Variants in DNAH12 observed in about 807,000 individuals in gnomAD.
The protein encoded by DNAH12 is dynein axonemal heavy chain 12.
A neutral mutation model predicts 371.5 loss-of-function variants in DNAH12; 285 were observed. That is an observed-to-expected ratio of 0.77 (90% CI 0.70 to 0.85). The LOEUF (loss-of-function observed/expected upper bound fraction) is 0.85, where lower values mean the gene tolerates loss of function less well. Among genes scored for constraint, DNAH12 ranks in the 40% least tolerant of loss-of-function variants. The probability of loss-of-function intolerance (pLI) is 0.00; values close to 1 mark genes in which losing one functional copy is unlikely to be tolerated. For synonymous variants in DNAH12, 1,200 were observed against 1,213.0 expected (o/e 0.99, Z 0.22); for missense variants, 3,611 against 3,689.4 (o/e 0.98, Z 0.55).
rs1356603368 is a variant in DNAH12 at position 57,379,243 on chromosome 3, G to A, written c.8138C>T (p.Pro2713Leu). The change falls in exon 52 of 74, where the codon CCC (proline) becomes CTC (leucine). Residue 2713 changes from proline to leucine, a missense_variant. Transcript: ENST00000495027. ...AGAAGAAGCTTTAGCAACCTTAGGG[G>A]GATCAAATTCAGGGTTCATTAAGTA... is the stretch of plus-strand genomic sequence containing the variant. Reference protein sequence around the residue: ...SEYLMNPEFDPPKVAKASSAA... With the variant: ...SEYLMNPEFDLPKVAKASSAA... 1 of 151,976 alleles carries A rather than the reference G, an allele frequency of 6.6e-6. No homozygotes were observed. Among genetic ancestry groups the A allele is most frequent in the African/African-American group, 2.4e-5 (1 of 41,376 alleles). The allele number at this position is 151,976 out of a possible 1,614,324, so 9.4% of individuals were successfully genotyped here.
intron 29 of DNAH12, among the ~76,000 whole-genome samples, chr3:57,442,261 T>TAG (rs1355428675): frequency 6.9e-6 from 1 of 145,040 alleles, no homozygotes; most frequent in Admixed American, 7.2e-5. Flanking sequence ...ATAAAAGCAC[T>TAG]AGAAAGGGTA....
At chr3:57,384,119 A>T in intron 49 of DNAH12, among the ~76,000 whole-genome samples, 1 of 152,150 alleles carries the variant, frequency 6.6e-6, no homozygotes. Context: ...TTGCCTAAAG[A>T]CCTGTAAAAA....
At chr3:57,444,583 T>C (rs2065416027) in intron 29 of DNAH12, 114 bp downstream of exon 29, 3 of 1,437,302 alleles carry the variant, frequency 2.1e-6, no homozygotes, top group African/African-American at 1.4e-5. Context: ...GTGGACAAAA[T>C]AGGGGATTTT....
chr3:57,407,919 C>T (rs1553681808), intron 40 of DNAH12, among the ~76,000 whole-genome samples: 1 of 152,048 alleles, frequency 6.6e-6, no homozygotes, highest in African/African-American at 2.4e-5. Flanking sequence ...AGAGAAAAAA[C>T]GACAAGTACC....
chr3:57,308,741 G>A (rs2061523190), intron 69 of DNAH12, among the ~76,000 whole-genome samples: 1 of 152,106 alleles, frequency 6.6e-6, no homozygotes, highest in Non-Finnish European at 1.5e-5. Flanking sequence ...ATCTTTGCTG[G>A]CAAGGCTACG....
chr3:57,440,079 GA>G (rs1229542839), intron 29 of DNAH12, among the ~76,000 whole-genome samples: 2 of 152,168 alleles, frequency 1.3e-5, no homozygotes, highest in Non-Finnish European at 2.9e-5. Flanking sequence ...CTGTTGGTAG[GA>G]ATGCAAATTA....
intron 11 of DNAH12, among the ~76,000 whole-genome samples, chr3:57,500,717 G>A (rs1009738492): frequency 2.0e-5 from 3 of 152,006 alleles, no homozygotes; most frequent in Middle Eastern, 3.4e-3. Flanking sequence ...TGTTATTTCC[G>A]TGTCAGGCTT....
chr3:57,479,873 G>A (rs993661761), intron 13 of DNAH12, among the ~76,000 whole-genome samples: 4 of 152,044 alleles, frequency 2.6e-5, no homozygotes, highest in African/African-American at 7.2e-5. Context: ...TGAAACCAAC[G>A]AGAACAAAGA....
At chr3:57,542,663 A>G in intron 2 of DNAH12, 38 bp downstream of exon 2, 1 of 1,540,032 alleles carries the variant, frequency 6.5e-7, no homozygotes, top group Non-Finnish European at 8.7e-7. Context: ...ATTTTACTTG[A>G]ATTCCAAGCA....
At chr3:57,419,278 G>C in intron 37 of DNAH12, 89 bp downstream of exon 37, 1 of 1,268,726 alleles carries the variant, frequency 7.9e-7, no homozygotes, top group Non-Finnish European at 1.1e-6. Flanking sequence ...CCTGAAAAGG[G>C]ATGATCTCGA....
At chr3:57,482,122 G>C (rs375880140) in intron 13 of DNAH12, among the ~76,000 whole-genome samples, 17 of 152,268 alleles carry the variant, frequency 1.1e-4, no homozygotes, top group East Asian at 7.7e-4. Flanking sequence ...ACTACCATCA[G>C]AGTGAACAGG....
At chr3:57,299,284 T>C (rs1408441257) in intron 70 of DNAH12, among the ~76,000 whole-genome samples, 2 of 152,244 alleles carry the variant, frequency 1.3e-5, no homozygotes, top group Non-Finnish European at 2.9e-5. Flanking sequence ...TACCATTTAC[T>C]AAGTGCTTAG....
At position 57,446,289 on chromosome 3, in the gene DNAH12, G is replaced by C. The variant is rs1033731056; in HGVS notation, c.3940-19C>G. 15 of 1,540,016 alleles carry C rather than the reference G, an allele frequency of 9.7e-6. No individual in the cohort carries two copies. Among genetic ancestry groups the C allele is most frequent in the Non-Finnish European group, 1.2e-5 (14 of 1,140,942 alleles). On this transcript the variant is annotated intron_variant, in intron 26 of 73. Coordinates refer to ENST00000495027, the MANE Select transcript of DNAH12 (RefSeq NM_001366028.2). ...TAAAAAACTAAGGACAAAGAAAAAG[G>C]AAAGTGATTTTTTTCTCAGGAAAGG...
chr3:57,410,906 C>T (rs1009042919), intron 39 of DNAH12, among the ~76,000 whole-genome samples: 17 of 151,732 alleles, frequency 1.1e-4, no homozygotes, highest in African/African-American at 3.9e-4. Flanking sequence ...AAAAACCCTA[C>T]AGCTAACATC....
At chr3:57,411,890 A>G (rs1368716020) in intron 39 of DNAH12, among the ~76,000 whole-genome samples, 1 of 152,160 alleles carries the variant, frequency 6.6e-6, no homozygotes. Flanking sequence ...GAAAGAGAAA[A>G]ACAAAGTCAG....
intron 30 of DNAH12, among the ~76,000 whole-genome samples, chr3:57,434,358 C>T (rs757895645): frequency 1.3e-5 from 2 of 152,154 alleles, no homozygotes; most frequent in Non-Finnish European, 1.5e-5. Context: ...CTCCCTTTTC[C>T]CTCTAGCATG....
chr3:57,371,537 G>A (rs2063168982), intron 55 of DNAH12, among the ~76,000 whole-genome samples: 1 of 151,684 alleles, frequency 6.6e-6, no homozygotes. Context: ...ATGGGAGGTG[G>A]GGGCACTACA....
chr3:57,446,409 C>T (rs2065498028), intron 26 of DNAH12, 128 bp downstream of exon 26: 3 of 1,423,288 alleles, frequency 2.1e-6, no homozygotes, highest in Non-Finnish European at 2.8e-6. Flanking sequence ...GTCTTTACTC[C>T]TAAAATGAAA....
chr3:57,299,524 GGA>G (rs1559532467), intron 70 of DNAH12, among the ~76,000 whole-genome samples: 4 of 151,942 alleles, frequency 2.6e-5, no homozygotes, highest in African/African-American at 9.7e-5. Flanking sequence ...GGCACAGGAA[GGA>G]GAGAATGTGA....
Sources: allele counts gnomAD v4.1 joint callset (sites outside exome capture counted in the v4.1 genomes callset), GRCh38; gene constraint gnomAD v4.1.1; transcripts MANE v1.5; gene names NCBI Gene and HGNC (gene_info 2026-07-23, HGNC 2026-07-21).